The following GABBR2 variants were observed in gnomAD, a reference collection of about 807,000 sequenced individuals.
GABBR2 encodes the protein gamma-aminobutyric acid type B receptor subunit 2.
In GABBR2, 23 loss-of-function variants were observed where a neutral mutation model predicts 105.6. The observed-to-expected ratio is 0.22, with a 90% CI of 0.16 to 0.31. The LOEUF (loss-of-function observed/expected upper bound fraction) is 0.31, where lower values mean the gene tolerates loss of function less well. GABBR2 is among the 10% of genes least tolerant of loss of function. The pLI is 1.00. For synonymous variants in GABBR2, 478 were observed against 499.7 expected, an observed-to-expected ratio of 0.96 and a Z score of 0.58; for missense variants, 734 against 1,245.5, an observed-to-expected ratio of 0.59 and a Z score of 6.18.
At chr9:98,365,371 T>C (rs1429342828) in intron 12 of GABBR2, among the ~76,000 whole-genome samples, 7 of 152,248 alleles carry the variant, frequency 4.6e-5, no homozygotes, top group Non-Finnish European at 1.0e-4. Flanking sequence ...TGTGTTTATG[T>C]GTAAGACACA....
At chr9:98,421,993 G>A (rs1350147118) in intron 7 of GABBR2, among the ~76,000 whole-genome samples, 1 of 152,158 alleles carries the variant, frequency 6.6e-6, no homozygotes, top group Non-Finnish European at 1.5e-5. Context: ...TCAAAATTGA[G>A]CATTTCCTAG....
At chr9:98,589,169 A>G (rs1829114567) in intron 1 of GABBR2, among the ~76,000 whole-genome samples, 1 of 152,142 alleles carries the variant, frequency 6.6e-6, no homozygotes, top group African/African-American at 2.4e-5. Flanking sequence ...GTCCAGCTGG[A>G]ACTTTCTTAG....
chr9:98,385,855 GAT>G (rs984384381), intron 10 of GABBR2, 83 bp from the exon 11 acceptor site: 8 of 1,095,838 alleles, frequency 7.3e-6, no homozygotes, highest in Non-Finnish European at 1.1e-5. Context: ...ACGCCTGCTA[GAT>G]ATATATTGTT....
rs370419050 is a variant in GABBR2, at chr9:98,386,799, G to A, written c.1530-1027C>T. ...CCTTCACATTTTAAACATGCAATACGTCAAAGGGAGAGGGAAATAAGAAGC... is the reference window on the plus strand; with the variant it reads ...CCTTCACATTTTAAACATGCAATACATCAAAGGGAGAGGGAAATAAGAAGC... On this transcript the variant is annotated intron_variant, in intron 10 of 18. Coordinates refer to ENST00000259455, the MANE Select transcript of GABBR2 (RefSeq NM_005458.8). Among the ~76,000 whole-genome samples, 63 of 152,270 alleles carry A rather than the reference G, an allele frequency of 4.1e-4. 1 individual carries two copies. Among genetic ancestry groups the A allele is most frequent in the African/African-American group, 1.2e-3 (51 of 41,554 alleles).
At chr9:98,470,091 T>A (rs1292350564) in intron 6 of GABBR2, among the ~76,000 whole-genome samples, 1 of 152,156 alleles carries the variant, frequency 6.6e-6, no homozygotes. Context: ...AGAGAGAATG[T>A]TCAACAAAGG....
chr9:98,324,665 G>T (rs1830889450), intron 13 of GABBR2, among the ~76,000 whole-genome samples: 1 of 152,204 alleles, frequency 6.6e-6, no homozygotes, highest in Non-Finnish European at 1.5e-5. Context: ...GATGCGTAAT[G>T]GCTGCTGTGG....
At chr9:98,314,396 G>A (rs1830682180) in intron 13 of GABBR2, among the ~76,000 whole-genome samples, 1 of 152,078 alleles carries the variant, frequency 6.6e-6, no homozygotes, top group Non-Finnish European at 1.5e-5. Context: ...ACCCATTCCA[G>A]TTATGCATGA....
chr9:98,568,567 G>A (rs1034640788), intron 2 of GABBR2, among the ~76,000 whole-genome samples: 5 of 152,100 alleles, frequency 3.3e-5, no homozygotes, highest in African/African-American at 1.2e-4. Context: ...TGCTGGAGCT[G>A]GGAGATTTGG....
At chr9:98,404,323 AG>A (rs1476948273) in intron 8 of GABBR2, among the ~76,000 whole-genome samples, 2 of 152,228 alleles carry the variant, frequency 1.3e-5, no homozygotes, top group African/African-American at 2.4e-5. Context: ...TGCACGCCAG[AG>A]AGCTGACACG....
chr9:98,409,121 T>G (rs1375715355), intron 7 of GABBR2, among the ~76,000 whole-genome samples: 3 of 152,220 alleles, frequency 2.0e-5, no homozygotes, highest in African/African-American at 7.2e-5. Context: ...AAGGCCAGCA[T>G]GGCCGGAACA....
At chr9:98,694,734 C>G (rs1319262007) in intron 1 of GABBR2, among the ~76,000 whole-genome samples, 1 of 152,168 alleles carries the variant, frequency 6.6e-6, no homozygotes, top group East Asian at 1.9e-4. Flanking sequence ...AATCTTATTT[C>G]TCTCCCTTCC....
chr9:98,620,109 A>G (rs924040242), intron 1 of GABBR2, among the ~76,000 whole-genome samples: 1 of 152,208 alleles, frequency 6.6e-6, no homozygotes, highest in Admixed American at 6.5e-5. Flanking sequence ...GCAAATGCCA[A>G]TTCTCCCAAA....
intron 2 of GABBR2, among the ~76,000 whole-genome samples, chr9:98,560,452 C>A (rs903221386): frequency 1.3e-5 from 2 of 150,644 alleles, no homozygotes; most frequent in Admixed American, 1.3e-4. Context: ...TACACACACA[C>A]ACATATATAC....
intron 3 of GABBR2, among the ~76,000 whole-genome samples, chr9:98,521,457 C>A (rs1001763762): frequency 1.3e-5 from 2 of 152,210 alleles, no homozygotes; most frequent in African/African-American, 4.8e-5. Flanking sequence ...TGCAACCCAA[C>A]AGCCTTCAGG....
chr9:98,519,754 T>C (rs1180602493), intron 3 of GABBR2, among the ~76,000 whole-genome samples: 1 of 152,110 alleles, frequency 6.6e-6, no homozygotes, highest in Non-Finnish European at 1.5e-5. Context: ...GTAAATACTT[T>C]AGGCCTTGCA....
At chr9:98,642,142 A>G (rs1242546235) in intron 1 of GABBR2, among the ~76,000 whole-genome samples, 1 of 152,192 alleles carries the variant, frequency 6.6e-6, no homozygotes, top group Non-Finnish European at 1.5e-5. Context: ...CCAGAATAAT[A>G]TTAATGAAAG....
intron 1 of GABBR2, among the ~76,000 whole-genome samples, chr9:98,699,366 C>T (rs574975087): frequency 5.9e-5 from 9 of 152,186 alleles, no homozygotes; most frequent in African/African-American, 1.4e-4. Context: ...TACACCACAA[C>T]TACAGAGCCC....
chr9:98,697,382 T>C (rs1470687536), intron 1 of GABBR2, among the ~76,000 whole-genome samples: 2 of 151,810 alleles, frequency 1.3e-5, no homozygotes, highest in African/African-American at 4.8e-5. Context: ...TCCCAGCTAC[T>C]CGGAAGGCGG....
chr9:98,642,932 C>G (rs553951080), intron 1 of GABBR2, among the ~76,000 whole-genome samples: 3 of 152,202 alleles, frequency 2.0e-5, no homozygotes, highest in African/African-American at 4.8e-5. Context: ...TGCACTGTCT[C>G]CCTCGCCTCT....
Sources: gnomAD v4.1 joint callset for allele counts (sites outside exome capture counted in the v4.1 genomes callset) on GRCh38, gnomAD v4.1.1 for gene constraint, MANE v1.5 for transcripts, NCBI Gene and HGNC (gene_info 2026-07-23, HGNC 2026-07-21) for gene names.